The following ABLIM1 variants were observed in gnomAD, a reference collection of about 807,000 sequenced individuals.
ABLIM1 encodes actin-binding LIM protein 1.
In ABLIM1, 40 loss-of-function variants were observed where a neutral mutation model predicts 107.0. That is an observed-to-expected ratio of 0.37 (90% CI 0.29 to 0.49). The LOEUF (loss-of-function observed/expected upper bound fraction) is 0.49, where lower values mean the gene tolerates loss of function less well. Ranked by LOEUF, ABLIM1 falls within the 20% of genes least tolerant of loss-of-function variation. ABLIM1 has a pLI of 0.97. For missense variants in ABLIM1, 857 were observed against 1,008.5 expected, an observed-to-expected ratio of 0.85 and a Z score of 2.04; for synonymous variants, 357 against 357.3, an observed-to-expected ratio of 1.00 and a Z score of 0.01.
intron 1 of ABLIM1, among the ~76,000 whole-genome samples, chr10:114,663,953 G>T (rs1402212756): frequency 2.0e-5 from 3 of 152,170 alleles, no homozygotes; most frequent in Non-Finnish European, 4.4e-5. Flanking sequence ...TAATGGCACC[G>T]TTTGAAGTAT....
chr10:114,641,179 G>C (rs1310117647), intron 1 of ABLIM1, among the ~76,000 whole-genome samples: 1 of 134,912 alleles, frequency 7.4e-6, no homozygotes, highest in East Asian at 2.4e-4. Flanking sequence ...AAAGAATTTA[G>C]ACCCCCTCCT....
intron 1 of ABLIM1, among the ~76,000 whole-genome samples, chr10:114,645,420 C>A (rs1233205868): frequency 6.6e-6 from 1 of 152,108 alleles, no homozygotes; most frequent in Non-Finnish European, 1.5e-5. Context: ...CCTAGGATCA[C>A]CTTCCAAATA....
At chr10:114,571,250 T>G (rs1425400775) in intron 4 of ABLIM1, 47 bp downstream of exon 4, 13 of 1,565,768 alleles carry the variant, frequency 8.3e-6, no homozygotes, top group South Asian at 1.1e-5. Context: ...CTGAGCTACC[T>G]CTGGACTACA....
rs200125349 is a variant in ABLIM1, at chr10:114,707,928, C to CA, written c.-213+60132dup. Among the ~76,000 whole-genome samples the CA allele has an allele frequency of 0.02, 2,935 of 149,400 alleles. 56 individuals are homozygous for CA. The highest frequency in any genetic ancestry group is 0.026 in the Non-Finnish European group (1,793 of 67,816). On this transcript the variant is annotated intron_variant, in intron 1 of 15. Coordinates refer to the ABLIM1 transcript ENST00000651092. This position sits in a 1 kb window ranked among gnomAD's most constrained non-coding sequence, Gnocchi z 4.1. ...AAACAAACAAACAAACAAACAACAA[C>CA]AACAACAAAAAACCTAATTACCAAC... is the stretch of plus-strand genomic sequence containing the variant.
chr10:114,693,142 A>C (rs1356669946), intron 1 of ABLIM1, among the ~76,000 whole-genome samples: 1 of 152,150 alleles, frequency 6.6e-6, no homozygotes, highest in Admixed American at 6.5e-5. Context: ...TAGCTAACAG[A>C]AGAAGGAGGC....
chr10:114,657,906 A>C, intron 1 of ABLIM1, 51 bp downstream of exon 1: 3 of 1,452,672 alleles, frequency 2.1e-6, no homozygotes, highest in Middle Eastern at 1.8e-4. Flanking sequence ...TCTCTTAATT[A>C]CGCCAATCAC....
In ABLIM1 at chr10:114,532,909, G is replaced by A. The variant is rs562486425; in HGVS notation, c.894+12096C>T. ...CCCACTTGTCTGTTTCTCCACCACCGTCAGCTAGGTCAGCAGATACAAGTG... is the reference window on the plus strand; with the variant it reads ...CCCACTTGTCTGTTTCTCCACCACCATCAGCTAGGTCAGCAGATACAAGTG... On this transcript the variant is annotated intron_variant, in intron 6 of 22. Transcript: ENST00000533213. Among the ~76,000 whole-genome samples, 20 of 152,274 alleles carry A rather than the reference G, an allele frequency of 1.3e-4. No homozygotes were observed. The East Asian group carries it at 3.5e-3, about 26-fold the overall frequency.
intron 6 of ABLIM1, among the ~76,000 whole-genome samples, chr10:114,543,626 G>A (rs1420031089): frequency 6.6e-6 from 1 of 152,162 alleles, no homozygotes; most frequent in South Asian, 2.1e-4. Flanking sequence ...ACTCTCATAC[G>A]TTCTTTACAC....
intron 1 of ABLIM1, among the ~76,000 whole-genome samples, chr10:114,767,756 C>T (rs542598124): frequency 2.0e-5 from 3 of 152,308 alleles, no homozygotes; most frequent in South Asian, 2.1e-4. Flanking sequence ...GCCAGCCCTT[C>T]CACAGCTCCC....
chr10:114,474,880 C>T (rs897539287), intron 8 of ABLIM1, among the ~76,000 whole-genome samples: 6 of 152,128 alleles, frequency 3.9e-5, no homozygotes, highest in African/African-American at 1.2e-4. Context: ...ATAAGTCTCA[C>T]GAGACTGATG....
intron 4 of ABLIM1, among the ~76,000 whole-genome samples, chr10:114,552,203 T>C (rs975001229): frequency 1.3e-5 from 2 of 152,224 alleles, no homozygotes; most frequent in Non-Finnish European, 2.9e-5. Flanking sequence ...GTGGAAAAGA[T>C]GCAGAGACAA....
At chr10:114,633,668 A>G (rs2078313768) in intron 1 of ABLIM1, among the ~76,000 whole-genome samples, 1 of 152,150 alleles carries the variant, frequency 6.6e-6, no homozygotes, top group South Asian at 2.1e-4. Context: ...CAAGCACGAG[A>G]GCAGCTCGAC....
chr10:114,567,486 G>A (rs1302059141), intron 4 of ABLIM1, among the ~76,000 whole-genome samples: 1 of 152,206 alleles, frequency 6.6e-6, no homozygotes, highest in Non-Finnish European at 1.5e-5. Flanking sequence ...AGTGCTTGAT[G>A]AGGGAAATAA....
intron 1 of ABLIM1, among the ~76,000 whole-genome samples, chr10:114,733,906 G>A (rs544740553): frequency 6.6e-6 from 1 of 151,962 alleles, no homozygotes; most frequent in African/African-American, 2.4e-5. Context: ...ACCCAGGCTG[G>A]ATAGAATACA....
chr10:114,595,030 C>T (rs2075278132), intron 2 of ABLIM1: 1 of 151,860 alleles, frequency 6.6e-6, no homozygotes, highest in Non-Finnish European at 1.5e-5. Flanking sequence ...ATATATGGGA[C>T]AGCCCAGGAA....
intron 6 of ABLIM1, among the ~76,000 whole-genome samples, chr10:114,528,765 CAACAT>C (rs1413210012): frequency 6.6e-6 from 1 of 152,182 alleles, no homozygotes; most frequent in African/African-American, 2.4e-5. Context: ...GGTAAGAACA[CAACAT>C]GAGATGTACT....
chr10:114,773,934 GA>G, the ABLIM1 span, among the ~76,000 whole-genome samples: 101 of 150,504 alleles, frequency 6.7e-4, 3 homozygotes, highest in South Asian at 0.02. Flanking sequence ...CAAGAATGAG[GA>G]AAAAAGAAAT....
intron 12 of ABLIM1, among the ~76,000 whole-genome samples, chr10:114,464,506 T>C (rs1301789741): frequency 1.3e-5 from 2 of 152,092 alleles, no homozygotes; most frequent in East Asian, 3.9e-4. Context: ...GATTTCTTAT[T>C]ACCCAAATGG....
intron 6 of ABLIM1, chr10:114,526,647 A>C: frequency 1.0e-6 from 1 of 985,510 alleles, no homozygotes; most frequent in Non-Finnish European, 1.2e-6. Flanking sequence ...ACCTTGTGCA[A>C]TGTCCGCTTT....
Sources: allele counts gnomAD v4.1 joint callset (sites outside exome capture counted in the v4.1 genomes callset), GRCh38; gene constraint gnomAD v4.1.1; non-coding constraint Gnocchi (gnomAD v3.1); transcripts MANE v1.5; gene names NCBI Gene and HGNC (gene_info 2026-07-23, HGNC 2026-07-21).